The following FAM20B variants were observed in gnomAD, a reference collection of about 807,000 sequenced individuals.
FAM20B encodes glycosaminoglycan xylosylkinase.
In FAM20B, 23 loss-of-function variants were observed where a neutral mutation model predicts 43.8. The ratio of observed to expected loss-of-function variants is 0.53; its 90% CI spans 0.38 to 0.74. The LOEUF (loss-of-function observed/expected upper bound fraction) is 0.74, where lower values mean the gene tolerates loss of function less well. Among genes scored for constraint, FAM20B ranks in the 30% least tolerant of loss-of-function variants. The pLI is 0.00. For synonymous variants in FAM20B, 178 were observed against 192.4 expected, an observed-to-expected ratio of 0.93 and a Z score of 0.62; for missense variants, 440 against 510.5, an observed-to-expected ratio of 0.86 and a Z score of 1.33.
At chr1:179,032,235 T>C (rs1650042923) in intron 1 of FAM20B, among the ~76,000 whole-genome samples, 3 of 152,050 alleles carry the variant, frequency 2.0e-5, no homozygotes, top group Admixed American at 6.6e-5. Flanking sequence ...GTTTTTGATA[T>C]GGTGATAATG....
chr1:179,028,444 T>C (rs942513776), intron 1 of FAM20B, among the ~76,000 whole-genome samples: 3 of 152,188 alleles, frequency 2.0e-5, no homozygotes, highest in Non-Finnish European at 4.4e-5. Context: ...TAGCTGTGCA[T>C]GGTGGTGCAC....
chr1:179,050,317 C>G lies in FAM20B; in HGVS notation c.416C>G (p.Ala139Gly). 1 of 1,613,930 alleles carries G rather than the reference C, an allele frequency of 6.2e-7. No individual in the cohort carries two copies. Among genetic ancestry groups the G allele is most frequent in the Non-Finnish European group, 8.5e-7 (1 of 1,179,814 alleles). Residue 139 changes from alanine to glycine, a missense_variant, in exon 3 of 8, where the codon GCT becomes GGT. Transcript: ENST00000263733. ...RDHVVEGEPYAGYDRHNAEVA... is the reference protein window; with the variant it reads ...RDHVVEGEPYGGYDRHNAEVA... ...CATGTGGTGGAAGGGGAACCGTATG[C>G]TGGTTATGATAGACACAATGCAGAG...
upstream of FAM20B, chr1:179,025,727 A>C (rs935163493): frequency 6.8e-6 from 1 of 147,940 alleles, no homozygotes; most frequent in South Asian, 2.2e-4. Flanking sequence ...AGTTAAGCGG[A>C]CGGGCCCGGT....
chr1:179,074,906 G>C lies in FAM20B; in HGVS notation c.*2762G>C, dbSNP rs1652067181. The C allele has an allele frequency of 6.6e-6, 1 of 152,180 alleles. No homozygotes were observed. The highest frequency in any genetic ancestry group is 1.5e-5 in the Non-Finnish European group (1 of 68,022). The allele number at this position is 152,180 out of a possible 1,614,324, so 9.4% of individuals were successfully genotyped here. A position where few individuals can be genotyped will look rare whatever the true frequency, so the allele number is the denominator to read the frequency against. On this transcript the variant is annotated 3_prime_UTR_variant, in exon 8 of 8. Transcript: ENST00000263733. Reference sequence around the variant, plus strand: ...TCAAACACTGTTTGAAAGAAGAGGTGGGGGCCGGGTGCCGTGGCTCATGCC... The same window carrying C: ...TCAAACACTGTTTGAAAGAAGAGGTCGGGGCCGGGTGCCGTGGCTCATGCC...
intron 3 of FAM20B, among the ~76,000 whole-genome samples, chr1:179,053,164 C>G (rs1372129752): frequency 2.0e-5 from 3 of 152,142 alleles, no homozygotes; most frequent in African/African-American, 7.2e-5. Flanking sequence ...TGTTCTCTTG[C>G]CAGTCGCCCT....
chr1:179,047,319 G>A (rs1219233326), intron 2 of FAM20B, among the ~76,000 whole-genome samples: 1 of 151,952 alleles, frequency 6.6e-6, no homozygotes, highest in African/African-American at 2.4e-5. Flanking sequence ...GTTCTTCCCC[G>A]TTCTTCCCCA....
At position 179,043,835 on chromosome 1, in the gene FAM20B, A is replaced by C; in HGVS notation, c.-13A>C. On this transcript the variant is annotated 5_prime_UTR_variant, in exon 2 of 8. Transcript: ENST00000263733. ...AGCAAGAGTGGGTCAGGGGAGAAGG[A>C]AAAGAGGTCAACATGAAGCTAAAGC... is the stretch of plus-strand genomic sequence containing the variant. 1 of 1,576,400 alleles carries C rather than the reference A, an allele frequency of 6.3e-7. No homozygotes were observed.
intron 1 of FAM20B, among the ~76,000 whole-genome samples, chr1:179,042,488 C>T (rs1650588021): frequency 6.6e-6 from 1 of 152,196 alleles, no homozygotes; most frequent in African/African-American, 2.4e-5. Flanking sequence ...ATGTCACAGC[C>T]CTGGCTCGGG....
At chr1:179,033,388 G>A (rs1012095851) in intron 1 of FAM20B, among the ~76,000 whole-genome samples, 3 of 152,154 alleles carry the variant, frequency 2.0e-5, no homozygotes, top group Non-Finnish European at 1.5e-5. Flanking sequence ...AAATATAAAT[G>A]ACATGTAACT....
At chr1:179,026,857 A>C (rs1050765387) in intron 1 of FAM20B, among the ~76,000 whole-genome samples, 9 of 152,262 alleles carry the variant, frequency 5.9e-5, no homozygotes, top group African/African-American at 2.2e-4. Context: ...GATTCATTCT[A>C]ATCTGACTTC....
intron 3 of FAM20B, among the ~76,000 whole-genome samples, chr1:179,051,396 G>C (rs913902035): frequency 4.0e-5 from 6 of 151,856 alleles, no homozygotes; most frequent in Admixed American, 6.6e-5. Context: ...AGGCTGAGGT[G>C]GGCAGATCAC....
chr1:179,051,556 G>C (rs1329797883), intron 3 of FAM20B, among the ~76,000 whole-genome samples: 1 of 152,098 alleles, frequency 6.6e-6, no homozygotes, highest in Non-Finnish European at 1.5e-5. Context: ...GAGCCTGGGA[G>C]GTCGAGGCTG....
At chr1:179,066,252 T>C (rs1651684099) in intron 6 of FAM20B, among the ~76,000 whole-genome samples, 2 of 152,218 alleles carry the variant, frequency 1.3e-5, no homozygotes, top group South Asian at 4.1e-4. Context: ...GAATTGCTGC[T>C]AAGGTAATTT....
At chr1:179,027,665 G>A (rs949364180) in intron 1 of FAM20B, among the ~76,000 whole-genome samples, 2 of 152,186 alleles carry the variant, frequency 1.3e-5, no homozygotes, top group African/African-American at 4.8e-5. Context: ...AAAGTGCAGT[G>A]ATAAATATGG....
In FAM20B at chr1:179,063,990, A is replaced by T. The variant is rs764839127; in HGVS notation, c.638A>T (p.Asp213Val). 8 of 1,613,912 alleles carry T rather than the reference A, an allele frequency of 5.0e-6. No homozygotes were observed. Among genetic ancestry groups the T allele is most frequent in the Non-Finnish European group, 6.8e-6 (8 of 1,179,816 alleles). The change falls in exon 5 of 8, where the codon GAT becomes GTT. Residue 213 changes from aspartate to valine, a missense_variant. Transcript: ENST00000263733. ...YCRETEPACA[D>V]GDIMEGSVTL... ...CGAGAAACAGAACCAGCTTGTGCTG[A>T]TGGAGACATAATGGAGGGATCTGTC... is the stretch of plus-strand genomic sequence containing the variant.
chr1:179,030,105 CT>C (rs1649947221), intron 1 of FAM20B, among the ~76,000 whole-genome samples: 1 of 152,154 alleles, frequency 6.6e-6, no homozygotes, highest in South Asian at 2.1e-4. Context: ...GGAGTAGGAG[CT>C]TCCTGACATT....
intron 1 of FAM20B, among the ~76,000 whole-genome samples, chr1:179,034,419 G>A (rs571272149): frequency 6.6e-6 from 1 of 151,662 alleles, no homozygotes; most frequent in South Asian, 2.1e-4. Flanking sequence ...TTTAATAATG[G>A]AGACAGGGTC....
intron 4 of FAM20B, among the ~76,000 whole-genome samples, chr1:179,063,718 G>A (rs574024378): frequency 6.6e-6 from 1 of 152,320 alleles, no homozygotes; most frequent in East Asian, 1.9e-4. Flanking sequence ...ACTTTTGGGT[G>A]TATATCCTTT....
At position 179,030,268 on chromosome 1, in the gene FAM20B, T is replaced by G. The variant is rs191489468; in HGVS notation, c.-134+4170T>G. ...TGGTGTAGATAGTGAACGTGTGCTC[T>G]GTATAGGTGCATTTATGTTCCTGTA... On this transcript the variant is annotated intron_variant, in intron 1 of 7. Transcript: ENST00000263733. Among the ~76,000 whole-genome samples, 5 of 152,052 alleles carry G rather than the reference T, an allele frequency of 3.3e-5. No individual in the cohort carries two copies. The East Asian group carries it at 9.7e-4, about 29-fold the overall frequency.
Sources: allele counts gnomAD v4.1 joint callset (sites outside exome capture counted in the v4.1 genomes callset), GRCh38; gene constraint gnomAD v4.1.1; transcripts MANE v1.5; gene names NCBI Gene and HGNC (gene_info 2026-07-23, HGNC 2026-07-21).